Variants in ABCG8 observed in about 807,000 individuals in gnomAD.
ABCG8 encodes ATP binding cassette subfamily G member 8, also known as ATP-binding cassette sub-family G member 8.
Under a neutral mutation model 71.3 loss-of-function variants are expected in ABCG8, and 81 were observed. The observed-to-expected ratio is 1.14, with a 90% CI of 0.95 to 1.37. The LOEUF is 1.37. ABCG8 is among the 40% of genes most tolerant of loss of function. The pLI, the probability that ABCG8 is intolerant of heterozygous loss-of-function variation, is 0.00. For synonymous variants in ABCG8, 451 were observed against 354.7 expected, an observed-to-expected ratio of 1.27 and a Z score of -3.05; for missense variants, 1,119 against 866.2, an observed-to-expected ratio of 1.29 and a Z score of -3.66.
chr2:43,868,053 C>T (rs552626814), intron 6 of ABCG8, among the ~76,000 whole-genome samples: 2 of 151,874 alleles, frequency 1.3e-5, no homozygotes, highest in African/African-American at 2.4e-5. Context: ...CTGGATAGAG[C>T]TCTCACTATC....
At position 43,874,449 on chromosome 2, in the gene ABCG8, G is replaced by A; in HGVS notation, c.1454G>A (p.Gly485Glu). 6.2e-7 allele frequency: 1 copy of A among 1,613,948 alleles called. No homozygotes were observed. The highest frequency in any genetic ancestry group is 8.5e-7 in the Non-Finnish European group (1 of 1,179,928). The part of the protein sequence containing the change: ...RAMLYYELED[G>E]LYTTGPYFFA... ...ATGCTTTACTATGAACTGGAAGACGGGCTGTACACCACTGGTCCATATTTC... is the reference window on the plus strand; with the variant it reads ...ATGCTTTACTATGAACTGGAAGACGAGCTGTACACCACTGGTCCATATTTC... Residue 485 changes from glycine (G) to glutamate (E), a missense_variant, in exon 10 of 13, where the codon GGG becomes GAG. Transcript: ENST00000272286.
At chr2:43,875,012 C>G (rs1037516105) in intron 10 of ABCG8, 134 bp from the exon 11 acceptor site, 2 of 1,298,590 alleles carry the variant, frequency 1.5e-6, no homozygotes, top group Non-Finnish European at 2.2e-6. Flanking sequence ...TGGGTCCCAG[C>G]ACACCCTCCT....
chr2:43,864,924 C>G lies in ABCG8; in HGVS notation c.965-7052C>G, dbSNP rs372052426. Among the ~76,000 whole-genome samples, 434 of 151,950 alleles carry G rather than the reference C, an allele frequency of 2.9e-3. 2 individuals are homozygous for G. Among genetic ancestry groups the G allele is most frequent in the Middle Eastern group, 0.014 (4 of 294 alleles). ...ACTATCTGGATAGAATTGTAACTCT[C>G]TGCATATAACTCTCACTATCTATCT... On this transcript the variant is annotated intron_variant, in intron 6 of 12. Transcript: ENST00000272286.
rs377097108 is a variant in ABCG8, at chr2:43,872,152, C to T, written c.1127+14C>T. ...CTGTGTGGAAAGGTAAGGTGGCAGG[C>T]GACTCTGAGAGGAGAGCTCCCTGCA... On this transcript the variant is annotated intron_variant, in intron 7 of 12. Transcript: ENST00000272286. 3.2e-5 allele frequency: 52 copies of T among 1,613,938 alleles called. No homozygotes were observed. Among genetic ancestry groups the T allele is most frequent in the East Asian group, 6.7e-5 (3 of 44,892 alleles).
At chr2:43,858,729 G>GA (rs1669199222) in intron 6 of ABCG8, among the ~76,000 whole-genome samples, 1 of 126,014 alleles carries the variant, frequency 7.9e-6, no homozygotes, top group Non-Finnish European at 1.8e-5. Context: ...TCACCGTCTG[G>GA]GTAGAACTCT....
chr2:43,870,704 G>A (rs910733164), intron 6 of ABCG8, among the ~76,000 whole-genome samples: 37 of 151,638 alleles, frequency 2.4e-4, no homozygotes, highest in Admixed American at 2.4e-3. Context: ...TCTCTGGATC[G>A]AACTCTCACT....
chr2:43,839,944 G>A (rs1311494214), intron 1 of ABCG8, among the ~76,000 whole-genome samples: 2 of 152,184 alleles, frequency 1.3e-5, no homozygotes, highest in Non-Finnish European at 2.9e-5. Flanking sequence ...GAAGCAGCCA[G>A]GTGGCAGGAG....
At chr2:43,855,741 G>T (rs1048643554) in intron 6 of ABCG8, among the ~76,000 whole-genome samples, 1 of 151,690 alleles carries the variant, frequency 6.6e-6, no homozygotes, top group African/African-American at 2.4e-5. Flanking sequence ...TCACTCTCTG[G>T]ATAGAACTCT....
At chr2:43,872,372 C>G (rs1293103677) in intron 8 of ABCG8, 66 bp downstream of exon 8, 3 of 1,492,184 alleles carry the variant, frequency 2.0e-6, no homozygotes, top group Admixed American at 3.8e-5. Context: ...TCACATTAAG[C>G]CCTTTCTATT....
Position 43,879,678 on chromosome 2 carries a change from T to C in ABCG8, c.*1765T>C, listed in dbSNP as rs1670073874. ...AAGCCTTGGATCTAGTTCTCAAGTCTCTTTTGTCTCTTTCAGTTTAGGAAC... is the reference window on the plus strand; with the variant it reads ...AAGCCTTGGATCTAGTTCTCAAGTCCCTTTTGTCTCTTTCAGTTTAGGAAC... On this transcript the variant is annotated 3_prime_UTR_variant, in exon 13 of 13. Coordinates refer to ENST00000272286, the MANE Select transcript of ABCG8 (RefSeq NM_022437.3). 1 of 152,208 alleles carries C rather than the reference T, an allele frequency of 6.6e-6. No individual in the cohort carries two copies. The highest frequency in any genetic ancestry group is 2.4e-5 in the African/African-American group (1 of 41,452). 9.4% of individuals were successfully genotyped at this position (152,208 alleles called of 1,614,324 possible).
chr2:43,863,844 C>G (rs1407933152), intron 6 of ABCG8, among the ~76,000 whole-genome samples: 8 of 151,590 alleles, frequency 5.3e-5, no homozygotes. Context: ...CTGGATAGAA[C>G]TCTCACTATC....
At position 43,852,697 on chromosome 2, in the gene ABCG8, G is replaced by A. The variant is rs760231062; in HGVS notation, c.793G>A (p.Val265Met). 8 of 1,614,172 alleles carry A rather than the reference G, an allele frequency of 5.0e-6. No homozygotes were observed. The South Asian group carries it at 8.8e-5, about 18-fold the overall frequency. Reference sequence around the variant, plus strand: ...CAGGCTGGCCAAAGGCAACCGGCTGGTGCTCATCTCCCTCCACCAGCCTCG... The same window carrying A: ...CAGGCTGGCCAAAGGCAACCGGCTGATGCTCATCTCCCTCCACCAGCCTCG... ...LSRLAKGNRLVLISLHQPRSD... is the reference protein window; with the variant it reads ...LSRLAKGNRLMLISLHQPRSD... Residue 265 changes from valine (V) to methionine (M), a missense_variant, in exon 6 of 13, where the codon GTG becomes ATG. Transcript: ENST00000272286.
At chr2:43,862,261 T>C (rs577615727) in intron 6 of ABCG8, among the ~76,000 whole-genome samples, 51 of 147,828 alleles carry the variant, frequency 3.4e-4, no homozygotes, top group Non-Finnish European at 5.3e-4. Flanking sequence ...AGCATCTGGA[T>C]AGAACTCTCA....
rs1322000910 is a variant in ABCG8, at chr2:43,852,796, C to T, written c.892C>T (p.Gln298Ter). 6.2e-7 allele frequency: 1 copy of T among 1,614,122 alleles called. No homozygotes were observed. Among genetic ancestry groups the T allele is most frequent in the East Asian group, 2.2e-5 (1 of 44,866 alleles). The change falls in exon 6 of 13, where the codon CAG (glutamine) becomes TAG (stop). Residue 298 changes from glutamine to a stop codon, truncating the protein, a stop_gained. Coordinates refer to ENST00000272286, the MANE Select transcript of ABCG8 (RefSeq NM_022437.3). LOFTEE classifies it high-confidence loss of function. Reference protein sequence around the residue: ...SGTPIYLGAAQHMVQYFTAIG... With the variant: ...SGTPIYLGAA ...CACCCCCATCTACTTAGGGGCGGCC[C>T]AGCACATGGTCCAGTATTTCACAGC...
intron 6 of ABCG8, among the ~76,000 whole-genome samples, chr2:43,859,404 G>C (rs908078311): frequency 1.1e-4 from 16 of 150,850 alleles, no homozygotes; most frequent in African/African-American, 3.4e-4. Flanking sequence ...TTACTATCTG[G>C]ATAGAATTCT....
chr2:43,846,014 G>A lies in ABCG8; in HGVS notation c.166-141G>A, dbSNP rs75396867. On this transcript the variant is annotated intron_variant, in intron 2 of 12. Coordinates refer to ENST00000272286, the MANE Select transcript of ABCG8 (RefSeq NM_022437.3). ...CCTGCTTCCGTGTTTGGTAGAACCT[G>A]GGTTGGGGCCTATTGTGTGTAGGTG... The A allele has an allele frequency of 6.4e-3, 5,340 of 828,612 alleles. 196 individuals carry two copies. In the African/African-American group the frequency reaches 0.079, roughly 12 times the overall value. The allele number at this position is 828,612 out of a possible 1,614,324, so 51.3% of individuals were successfully genotyped here.
rs1668919347 is a variant in ABCG8 at position 43,851,657 on chromosome 2, C to A, written c.396C>A (p.Ile132=). Residue 132 remains isoleucine (I), a synonymous_variant, in exon 4 of 13, where the codon ATC becomes ATA. Transcript: ENST00000272286. ...GHGGKIKSGQ[I]WINGQPSSPQ... ...GCGGCAAGATCAAGTCAGGCCAGAT[C>A]TGGATCAATGGGCAGCCCAGCTCGC... is the stretch of plus-strand genomic sequence containing the variant. The A allele has an allele frequency of 6.2e-7, 1 of 1,614,126 alleles. No individual in the cohort carries two copies. Among genetic ancestry groups the A allele is most frequent in the Non-Finnish European group, 8.5e-7 (1 of 1,180,056 alleles).
At chr2:43,864,758 G>T (rs1439082497) in intron 6 of ABCG8, among the ~76,000 whole-genome samples, 3 of 151,446 alleles carry the variant, frequency 2.0e-5, no homozygotes, top group African/African-American at 7.3e-5. Flanking sequence ...CTCACCGTCT[G>T]CATGGAACTG....
In ABCG8 at chr2:43,873,915, A is replaced by T. The variant is rs989938038; in HGVS notation, c.1340A>T (p.Asp447Val). Residue 447 changes from aspartate (D) to valine (V), a missense_variant, in exon 9 of 13, where the codon GAT (aspartate) becomes GTT (valine). Transcript: ENST00000272286. ...GGGAGCATCCAGCTCTCCTTCATGG[A>T]TACAGCCGCCCTCTTGTTCATGATC... is the stretch of plus-strand genomic sequence containing the variant. Reference protein sequence around the residue: ...GHGSIQLSFMDTAALLFMIGA... With the variant: ...GHGSIQLSFMVTAALLFMIGA... 1 of 1,613,932 alleles carries T rather than the reference A, an allele frequency of 6.2e-7. No individual in the cohort carries two copies. The highest frequency in any genetic ancestry group is 2.2e-5 in the East Asian group (1 of 44,868).
Sources: allele counts gnomAD v4.1 joint callset (sites outside exome capture counted in the v4.1 genomes callset), GRCh38; gene constraint gnomAD v4.1.1; transcripts MANE v1.5; gene names NCBI Gene and HGNC (gene_info 2026-07-23, HGNC 2026-07-21).